Variants in TMEM50B observed in about 807,000 individuals in gnomAD.
TMEM50B encodes the protein HCV p7-trans-regulated protein 3.
TMEM50B carries 14 observed loss-of-function variants against 23.4 expected under a neutral mutation model. The ratio of observed to expected loss-of-function variants is 0.60; its 90% CI spans 0.39 to 0.93. The LOEUF is 0.93. Ranked by LOEUF, TMEM50B falls within the 40% of genes least tolerant of loss-of-function variation. The probability of loss-of-function intolerance (pLI) is 0.00; values close to 1 mark genes in which losing one functional copy is unlikely to be tolerated. For missense variants in TMEM50B, 159 were observed against 193.0 expected (o/e 0.82, Z 1.04); for synonymous variants, 64 against 62.3 (o/e 1.03, Z -0.13).
intron 1 of TMEM50B, among the ~76,000 whole-genome samples, chr21:33,471,626 C>T (rs182631784): frequency 2.0e-5 from 3 of 152,212 alleles, no homozygotes; most frequent in African/African-American, 7.2e-5. Flanking sequence ...GTAATCCCAG[C>T]TACTCAGAAG....
At chr21:33,468,166 A>G (rs999773432) in intron 2 of TMEM50B, among the ~76,000 whole-genome samples, 2 of 151,312 alleles carry the variant, frequency 1.3e-5, no homozygotes, top group Non-Finnish European at 2.9e-5. Context: ...TGGATGATAG[A>G]CACATGGGAT....
At position 33,467,091 on chromosome 21, in the gene TMEM50B, G is replaced by C; in HGVS notation, c.131C>G (p.Ala44Gly). The C allele has an allele frequency of 6.2e-7, 1 of 1,614,138 alleles. No individual in the cohort carries two copies. Among genetic ancestry groups the C allele is most frequent in the Non-Finnish European group, 8.5e-7 (1 of 1,180,008 alleles). Reference protein sequence around the residue: ...FFTGWWIMIDAAVVYPKPEQL... With the variant: ...FFTGWWIMIDGAVVYPKPEQL... ...TTCTGGCTTAGGATACACCACAGCT[G>C]CATCAATCATTATCCACCAGCCTGT... The change falls in exon 3 of 7, where the codon GCA becomes GGA. Residue 44 changes from alanine (A) to glycine (G), a missense_variant. Transcript: ENST00000542230.
At chr21:33,470,589 T>C (rs1445538304) in intron 1 of TMEM50B, among the ~76,000 whole-genome samples, 2 of 148,600 alleles carry the variant, frequency 1.3e-5, no homozygotes, top group Non-Finnish European at 3.0e-5. Flanking sequence ...AAAAAAAAAT[T>C]AGCTGGGCAT....
chr21:33,439,956 G>C (rs1415831073), intron 7 of TMEM50B, among the ~76,000 whole-genome samples: 1 of 152,046 alleles, frequency 6.6e-6, no homozygotes, highest in African/African-American at 2.4e-5. Context: ...TGAGGCAGGA[G>C]AATCACTTGA....
intron 1 of TMEM50B, among the ~76,000 whole-genome samples, chr21:33,477,213 T>C (rs2084381552): frequency 1.3e-5 from 2 of 151,894 alleles, no homozygotes; most frequent in Non-Finnish European, 2.9e-5. Context: ...GAGGATCGTT[T>C]GAGCCCAAGG....
At chr21:33,437,585 A>G (rs1601100326) in intron 8 of TMEM50B, 2 of 152,546 alleles carry the variant, frequency 1.3e-5, no homozygotes. Context: ...AAATTACTCA[A>G]TCTAAACTTG....
intron 4 of TMEM50B, 135 bp downstream of exon 4, chr21:33,465,207 C>G (rs1241182848): frequency 1.4e-5 from 8 of 581,250 alleles, no homozygotes; most frequent in Non-Finnish European, 2.1e-5. Context: ...AACACTAAAA[C>G]TTTGTTTTAA....
chr21:33,436,758 A>C, intron 8 of TMEM50B: 1 of 1,256,066 alleles, frequency 8.0e-7, no homozygotes, highest in East Asian at 2.4e-5. Context: ...AAAAACAAAA[A>C]CTAAAGTTAA....
At position 33,459,817 on chromosome 21, in the gene TMEM50B, G is replaced by A. The variant is rs563321391; in HGVS notation, c.373+596C>T. Among the ~76,000 whole-genome samples the A allele has an allele frequency of 3.3e-5, 5 of 152,084 alleles. No homozygotes were observed. In the East Asian group the frequency reaches 9.7e-4, roughly 29 times the overall value. Reference sequence around the variant, plus strand: ...GGGGCAAGATATATTTTGGGATTCAGAATTCTTCAGGTTTAAGAACAGTAA... The same window carrying A: ...GGGGCAAGATATATTTTGGGATTCAAAATTCTTCAGGTTTAAGAACAGTAA... On this transcript the variant is annotated intron_variant, in intron 5 of 6. Coordinates refer to ENST00000542230, the MANE Select transcript of TMEM50B (RefSeq NM_006134.7).
At chr21:33,444,800 T>C (rs1216637290), downstream of TMEM50B, among the ~76,000 whole-genome samples, 1 of 24,834 alleles carries the variant, frequency 4.0e-5, no homozygotes, top group Non-Finnish European at 6.1e-5. Flanking sequence ...CTCCATCTCT[T>C]TACAAAAAAA....
chr21:33,451,688 C>G (rs546919290), intron 6 of TMEM50B, among the ~76,000 whole-genome samples: 1 of 151,968 alleles, frequency 6.6e-6, no homozygotes, highest in Non-Finnish European at 1.5e-5. Context: ...TGTCAGCAAC[C>G]CAAGAAGGGA....
chr21:33,471,138 A>G (rs1433363472), intron 1 of TMEM50B, among the ~76,000 whole-genome samples: 1 of 152,196 alleles, frequency 6.6e-6, no homozygotes, highest in African/African-American at 2.4e-5. Context: ...ACACTTTAAA[A>G]TAAGGGAGAC....
At chr21:33,477,750 G>A (rs2084387260) in intron 1 of TMEM50B, among the ~76,000 whole-genome samples, 1 of 151,934 alleles carries the variant, frequency 6.6e-6, no homozygotes, top group Non-Finnish European at 1.5e-5. Flanking sequence ...GGCGGAGGTT[G>A]CAGTGAGCCA....
chr21:33,462,031 C>T (rs1221900197), intron 4 of TMEM50B, among the ~76,000 whole-genome samples: 2 of 152,098 alleles, frequency 1.3e-5, no homozygotes, highest in African/African-American at 4.8e-5. Context: ...CAAGGAAGCT[C>T]TGAGTTAAGG....
intron 1 of TMEM50B, among the ~76,000 whole-genome samples, chr21:33,472,513 T>A (rs2084327197): frequency 6.6e-6 from 1 of 151,902 alleles, no homozygotes; most frequent in Non-Finnish European, 1.5e-5. Context: ...TACTAAGTGG[T>A]CTAAAATATA....
At chr21:33,461,224 G>A (rs1030206992) in intron 4 of TMEM50B, among the ~76,000 whole-genome samples, 4 of 152,172 alleles carry the variant, frequency 2.6e-5, no homozygotes, top group Non-Finnish European at 5.9e-5. Flanking sequence ...TAAAATCCTA[G>A]CCAATTTCCA....
rs144774691 is a variant in TMEM50B at position 33,468,808 on chromosome 21, T to C, written c.78A>G (p.Ala26=). ...TTACCAATATACCTGCGACAACAGATGCCACAGCATTTCTTCTCTCACTCC... is the reference window on the plus strand; with the variant it reads ...TTACCAATATACCTGCGACAACAGACGCCACAGCATTTCTTCTCTCACTCC... ...IDWSERRNAV[A]SVVAGILFFT... is the part of the protein sequence containing the mutation. Residue 26 remains alanine (A), a synonymous_variant, in exon 2 of 7, where the codon GCA becomes GCG. Transcript: ENST00000542230. 6.2e-7 allele frequency: 1 copy of C among 1,613,980 alleles called. No homozygotes were observed.
At chr21:33,463,956 T>G (rs1601125317) in intron 4 of TMEM50B, among the ~76,000 whole-genome samples, 2 of 152,238 alleles carry the variant, frequency 1.3e-5, no homozygotes, top group East Asian at 1.9e-4. Context: ...TTAGTGAATT[T>G]TATTATACTT....
chr21:33,437,527 A>T (rs4986959), intron 8 of TMEM50B: 1 of 152,506 alleles, frequency 6.6e-6, no homozygotes, highest in Non-Finnish European at 1.5e-5. Flanking sequence ...GTCTATGTGA[A>T]GTGTTTTCTT....
Sources: allele counts gnomAD v4.1 joint callset (sites outside exome capture counted in the v4.1 genomes callset), GRCh38; gene constraint gnomAD v4.1.1; transcripts MANE v1.5; gene names NCBI Gene and HGNC (gene_info 2026-07-23, HGNC 2026-07-21).